The following PACSIN2 variants were observed in gnomAD, a reference collection of about 807,000 sequenced individuals.
The protein encoded by PACSIN2 is protein kinase C and casein kinase substrate in neurons protein 2.
A neutral mutation model predicts 63.8 loss-of-function variants in PACSIN2; 25 were observed. That is an observed-to-expected ratio of 0.39 (90% CI 0.29 to 0.55). PACSIN2 has a LOEUF of 0.55. Ranked by LOEUF, PACSIN2 falls within the 20% of genes least tolerant of loss-of-function variation. The probability of loss-of-function intolerance (pLI) is 0.62; values close to 1 mark genes in which losing one functional copy is unlikely to be tolerated. For synonymous variants in PACSIN2, 255 were observed against 256.2 expected (o/e 1.00, Z 0.05); for missense variants, 518 against 646.9 (o/e 0.80, Z 2.16).
At chr22:42,881,005 C>G (rs1929029643) in intron 7 of PACSIN2, among the ~76,000 whole-genome samples, 1 of 152,224 alleles carries the variant, frequency 6.6e-6, no homozygotes, top group African/African-American at 2.4e-5. Context: ...CCCTCTAGGG[C>G]CGCTTCCAGT....
At chr22:42,977,768 C>T (rs900184482) in intron 1 of PACSIN2, among the ~76,000 whole-genome samples, 1 of 152,106 alleles carries the variant, frequency 6.6e-6, no homozygotes, top group Non-Finnish European at 1.5e-5. Context: ...TGTGGCACTT[C>T]CCCCCTCACG....
At chr22:42,997,340 C>T (rs1923474134) in intron 1 of PACSIN2, among the ~76,000 whole-genome samples, 2 of 152,244 alleles carry the variant, frequency 1.3e-5, no homozygotes, top group Middle Eastern at 3.4e-3. Flanking sequence ...GGGCAGATCA[C>T]AAGGTCAGGA....
chr22:42,959,072 G>C (rs1228677047), intron 1 of PACSIN2, among the ~76,000 whole-genome samples: 4 of 152,180 alleles, frequency 2.6e-5, no homozygotes, highest in Admixed American at 1.3e-4. Flanking sequence ...GCCCTCAGAG[G>C]GGGACGAGGG....
chr22:42,924,986 T>C (rs1213407066), intron 1 of PACSIN2, among the ~76,000 whole-genome samples: 1 of 151,666 alleles, frequency 6.6e-6, no homozygotes, highest in Non-Finnish European at 1.5e-5. Context: ...CTCGATCTCC[T>C]GACCTCGTGA....
rs534640893 is a variant in PACSIN2, at chr22:42,871,157, C to G, written c.*200G>C. 4.0e-5 allele frequency: 24 copies of G among 595,556 alleles called. No individual in the cohort carries two copies. Among genetic ancestry groups the G allele is most frequent in the South Asian group, 2.9e-4 (15 of 51,130 alleles). 36.9% of individuals were successfully genotyped at this position (595,556 alleles called of 1,614,324 possible). A position where few individuals can be genotyped will look rare whatever the true frequency, so the allele number is the denominator to read the frequency against. On this transcript the variant is annotated 3_prime_UTR_variant, in exon 11 of 11. Coordinates refer to ENST00000263246, the MANE Select transcript of PACSIN2 (RefSeq NM_001184970.3). This position sits in a 1 kb window ranked among gnomAD's most constrained non-coding sequence, Gnocchi z 5.4. ...ATTTCTGTTGTTCTGCGTCTTCCTG[C>G]GCTCAGATCCCTCCAGCTGCACTCG...
intron 1 of PACSIN2, among the ~76,000 whole-genome samples, chr22:42,947,890 A>C (rs1040807464): frequency 1.3e-5 from 2 of 152,230 alleles, no homozygotes; most frequent in African/African-American, 4.8e-5. Context: ...GCTCCACGGC[A>C]GCCCAGCTCC....
In PACSIN2 at chr22:42,912,092, C is replaced by T. The variant is rs1006933514; in HGVS notation, c.-12G>A. On this transcript the variant is annotated 5_prime_UTR_variant, in exon 2 of 11. Coordinates refer to ENST00000263246, the MANE Select transcript of PACSIN2 (RefSeq NM_001184970.3). The stretch of plus-strand genomic sequence containing the variant: ...TATGTGACAGACATTTTTTCAAAGG[C>T]TGAGGGAGCAGCAAAGTATACTTAG... 2 of 1,590,412 alleles carry T rather than the reference C, an allele frequency of 1.3e-6. No individual in the cohort carries two copies. The highest frequency in any genetic ancestry group is 3.6e-5 in the Admixed American group (2 of 55,150).
At chr22:42,967,964 C>G (rs1176633335) in intron 1 of PACSIN2, among the ~76,000 whole-genome samples, 3 of 152,188 alleles carry the variant, frequency 2.0e-5, no homozygotes, top group African/African-American at 4.8e-5. Flanking sequence ...ACATTTTATA[C>G]ACGCTCCTCA....
chr22:42,974,679 G>C (rs1921558678), intron 1 of PACSIN2, among the ~76,000 whole-genome samples: 1 of 151,424 alleles, frequency 6.6e-6, no homozygotes, highest in African/African-American at 2.4e-5. Flanking sequence ...AACCTGGGAG[G>C]TGGAGGTTGC....
intron 1 of PACSIN2, among the ~76,000 whole-genome samples, chr22:42,981,835 C>A (rs1922177025): frequency 8.0e-6 from 1 of 125,692 alleles, no homozygotes; most frequent in Non-Finnish European, 1.7e-5. Flanking sequence ...GGGGGTCAGC[C>A]CCCCGCCCGG....
chr22:42,938,172 T>C (rs1206074522), intron 1 of PACSIN2, among the ~76,000 whole-genome samples: 1 of 152,190 alleles, frequency 6.6e-6, no homozygotes, highest in East Asian at 1.9e-4. Context: ...TTGAAATCAA[T>C]CACTCTCTCC....
At chr22:43,003,186 A>C (rs1447426082) in intron 1 of PACSIN2, among the ~76,000 whole-genome samples, 1 of 152,262 alleles carries the variant, frequency 6.6e-6, no homozygotes, top group African/African-American at 2.4e-5. Flanking sequence ...TTGTGCGTGG[A>C]AGGTAAACTA....
At chr22:42,987,364 C>A (rs1175647594) in intron 1 of PACSIN2, among the ~76,000 whole-genome samples, 1 of 151,310 alleles carries the variant, frequency 6.6e-6, no homozygotes, top group Admixed American at 6.6e-5. Context: ...TAAGATGACA[C>A]CCCTACACGC....
intron 1 of PACSIN2, among the ~76,000 whole-genome samples, chr22:42,958,720 G>A (rs1004578854): frequency 1.2e-4 from 18 of 152,184 alleles, no homozygotes; most frequent in Admixed American, 1.0e-3. Context: ...ACACTTCACA[G>A]TAGGTAACAT....
chr22:42,922,451 C>T (rs1932256579), intron 1 of PACSIN2, among the ~76,000 whole-genome samples: 2 of 152,346 alleles, frequency 1.3e-5, no homozygotes, highest in East Asian at 3.9e-4. Flanking sequence ...GAAAGCTGGC[C>T]TCGGGAGAAA....
At chr22:42,908,495 T>C (rs1931235160) in intron 2 of PACSIN2, among the ~76,000 whole-genome samples, 1 of 151,984 alleles carries the variant, frequency 6.6e-6, no homozygotes, top group Non-Finnish European at 1.5e-5. Context: ...TGCCCAGAAG[T>C]GGAAAGGCAG....
At chr22:42,920,453 A>C (rs116528292) in intron 1 of PACSIN2, among the ~76,000 whole-genome samples, 1,644 of 152,272 alleles carry the variant, frequency 0.011, 32 homozygotes, top group African/African-American at 0.037. Context: ...CTCTGAATTT[A>C]TTTCTTTTCC....
chr22:43,007,137 T>C (rs1234676873), intron 1 of PACSIN2, among the ~76,000 whole-genome samples: 1 of 151,976 alleles, frequency 6.6e-6, no homozygotes, highest in Non-Finnish European at 1.5e-5. Flanking sequence ...CCCAGTGAAC[T>C]GTCCTCCAGG....
At chr22:42,882,812 C>T (rs1220659682) in intron 6 of PACSIN2, among the ~76,000 whole-genome samples, 5 of 151,990 alleles carry the variant, frequency 3.3e-5, no homozygotes, top group Non-Finnish European at 7.4e-5. Flanking sequence ...GCTCACCTTC[C>T]TAGGAAGCTG....
Sources: gnomAD v4.1 joint callset for allele counts (sites outside exome capture counted in the v4.1 genomes callset) on GRCh38, gnomAD v4.1.1 for gene constraint, Gnocchi (gnomAD v3.1) non-coding constraint, MANE v1.5 for transcripts, NCBI Gene and HGNC (gene_info 2026-07-23, HGNC 2026-07-21) for gene names.